GPR63: variants seen among roughly 807,000 people sequenced by gnomAD.
GPR63 encodes probable G protein-coupled receptor 63.
Under a neutral mutation model 23.1 loss-of-function variants are expected in GPR63, and 12 were observed. The ratio of observed to expected loss-of-function variants is 0.52; its 90% CI spans 0.33 to 0.84. GPR63 has a LOEUF of 0.84. GPR63 is among the 40% of genes least tolerant of loss of function. The pLI, the probability that GPR63 is intolerant of heterozygous loss-of-function variation, is 0.02. For missense variants in GPR63, 472 were observed against 515.6 expected, an observed-to-expected ratio of 0.92 and a Z score of 0.82; for synonymous variants, 172 against 191.1, an observed-to-expected ratio of 0.90 and a Z score of 0.82.
rs762389187 is a variant in GPR63 at position 96,798,708 on chromosome 6, G to A, written c.1024C>T (p.His342Tyr). 4 of 1,614,198 alleles carry A rather than the reference G, an allele frequency of 2.5e-6. No individual in the cohort carries two copies. Among genetic ancestry groups the A allele is most frequent in the Non-Finnish European group, 2.5e-6 (3 of 1,180,032 alleles). The change falls in exon 2 of 2, where the codon CAC becomes TAC. Residue 342 changes from histidine to tyrosine, a missense_variant. By Grantham distance (83) the His-to-Tyr change is moderately conservative. Transcript: ENST00000229955. ...AAAAAGTTGTGCTGATAGTAAAAGTGCTTACTGAATGTTGCCACAAGGCTG... is the reference window on the plus strand; with the variant it reads ...AAAAAGTTGTGCTGATAGTAAAAGTACTTACTGAATGTTGCCACAAGGCTG... ...TYSLVATFSK[H>Y]FYYQHNFFEI...
At chr6:96,803,021 C>T (rs753406713) in intron 1 of GPR63, among the ~76,000 whole-genome samples, 4 of 152,150 alleles carry the variant, frequency 2.6e-5, no homozygotes, top group Non-Finnish European at 4.4e-5. Flanking sequence ...TGAACAATCA[C>T]ATGAAAGCAC....
chr6:96,804,653 T>A (rs1412787611), intron 1 of GPR63, among the ~76,000 whole-genome samples: 1 of 152,144 alleles, frequency 6.6e-6, no homozygotes, highest in African/African-American at 2.4e-5. Context: ...CTTAATTATT[T>A]TAAAGGTTTT....
At chr6:96,801,589 G>C (rs561835178) in intron 1 of GPR63, among the ~76,000 whole-genome samples, 368 of 152,258 alleles carry the variant, frequency 2.4e-3, no homozygotes, top group African/African-American at 8.4e-3. Context: ...TAAGACCCAA[G>C]ATCCAGCAAT....
chr6:96,817,831 G>A (rs927449463), intron 1 of GPR63, among the ~76,000 whole-genome samples: 17 of 151,618 alleles, frequency 1.1e-4, no homozygotes, highest in African/African-American at 4.1e-4. Context: ...TTGGGGAAGA[G>A]TAGGAGTTAT....
chr6:96,806,513 A>G (rs551502859), intron 1 of GPR63, among the ~76,000 whole-genome samples: 59 of 152,338 alleles, frequency 3.9e-4, no homozygotes, highest in African/African-American at 1.3e-3. Context: ...CTGAGCCGAA[A>G]GATTTACTGG....
chr6:96,835,036 C>G (rs2127963887), intron 1 of GPR63, among the ~76,000 whole-genome samples: 1 of 152,242 alleles, frequency 6.6e-6, no homozygotes, highest in South Asian at 2.1e-4. Context: ...TAGAATTTGC[C>G]TATTGAAGCT....
intron 1 of GPR63, among the ~76,000 whole-genome samples, chr6:96,830,385 T>C (rs747845184): frequency 1.3e-5 from 2 of 152,196 alleles, no homozygotes; most frequent in Non-Finnish European, 2.9e-5. Context: ...CTGTTTAACC[T>C]ATCCATGCCT....
chr6:96,813,713 G>A (rs1056560592), intron 1 of GPR63, among the ~76,000 whole-genome samples: 1 of 152,148 alleles, frequency 6.6e-6, no homozygotes, highest in Non-Finnish European at 1.5e-5. Flanking sequence ...ATTATCTAAC[G>A]CTGAGAATGG....
At chr6:96,827,721 A>AT (rs1774479369) in intron 1 of GPR63, among the ~76,000 whole-genome samples, 1 of 152,152 alleles carries the variant, frequency 6.6e-6, no homozygotes, top group Non-Finnish European at 1.5e-5. Context: ...GATAATAATA[A>AT]AATTCAGAAG....
intron 1 of GPR63, among the ~76,000 whole-genome samples, chr6:96,835,605 A>G (rs1298570471): frequency 6.6e-6 from 1 of 152,174 alleles, no homozygotes; most frequent in Non-Finnish European, 1.5e-5. Flanking sequence ...CAGTAACTAC[A>G]TAGGGGTTTT....
chr6:96,831,347 A>G (rs1774575096), intron 1 of GPR63, among the ~76,000 whole-genome samples: 1 of 151,118 alleles, frequency 6.6e-6, no homozygotes, highest in Non-Finnish European at 1.5e-5. Flanking sequence ...TCTCTATAAA[A>G]TGGGGTTATT....
Position 96,813,083 on chromosome 6 carries a change from A to G in GPR63, c.-150-13202T>C, listed in dbSNP as rs1378320307. On this transcript the variant is annotated intron_variant, in intron 1 of 1. Coordinates refer to ENST00000229955, the MANE Select transcript of GPR63 (RefSeq NM_030784.4). ...CATAGCTTCTTTAGCTCCCACATGA[A>G]TAAGACATGTGGTACTTGTCTTTCT... 4.6e-5 allele frequency among the ~76,000 whole-genome samples: 7 copies of G among 152,140 alleles called. 1 individual carries two copies. The highest frequency in any genetic ancestry group is 3.3e-4 in the Admixed American group (5 of 15,280).
chr6:96,812,466 G>A (rs1252345989), intron 1 of GPR63, among the ~76,000 whole-genome samples: 1 of 152,098 alleles, frequency 6.6e-6, no homozygotes. Flanking sequence ...GAAGGGCTCT[G>A]GTTCAGAGAA....
In GPR63 at chr6:96,799,717, TGCC is replaced by T. The variant is rs1372648857; in HGVS notation, c.12_14del (p.Ala5del). The T allele has an allele frequency of 6.2e-7, 1 of 1,614,198 alleles. No homozygotes were observed. The highest frequency in any genetic ancestry group is 1.7e-5 in the Admixed American group (1 of 60,030). On this transcript the variant is annotated inframe_deletion, in exon 2 of 2. Coordinates refer to ENST00000229955, the MANE Select transcript of GPR63 (RefSeq NM_030784.4). ...TCCCGGTATGGAACGCAGTCAACAC[TGCC>T]GAGAAGACCATGGTTTCAGTAGGAT...
chr6:96,820,666 A>G (rs1291554948), intron 1 of GPR63, among the ~76,000 whole-genome samples: 1 of 152,040 alleles, frequency 6.6e-6, no homozygotes, highest in Non-Finnish European at 1.5e-5. Flanking sequence ...CTATTCCACG[A>G]GAATTTTTTT....
intron 1 of GPR63, among the ~76,000 whole-genome samples, chr6:96,819,993 C>A (rs370575377): frequency 0.017 from 1,931 of 116,166 alleles, 21 homozygotes; most frequent in Middle Eastern, 0.027. Flanking sequence ...AAAAAAAAAA[C>A]AAACAACAAC....
intron 1 of GPR63, among the ~76,000 whole-genome samples, chr6:96,808,896 G>A (rs894075474): frequency 6.6e-6 from 1 of 151,668 alleles, no homozygotes; most frequent in African/African-American, 2.4e-5. Flanking sequence ...TTTAGCATTA[G>A]GTATATCTCC....
chr6:96,805,351 C>T (rs1457739148), intron 1 of GPR63, among the ~76,000 whole-genome samples: 1 of 152,134 alleles, frequency 6.6e-6, no homozygotes. Flanking sequence ...CAAAAACTCA[C>T]TCACTACGGG....
intron 1 of GPR63, among the ~76,000 whole-genome samples, chr6:96,816,050 ATT>A: frequency 6.6e-6 from 1 of 152,204 alleles, no homozygotes; most frequent in Non-Finnish European, 1.5e-5. Flanking sequence ...AAAACTAATT[ATT>A]CTGGTCTATT....
Sources: allele counts gnomAD v4.1 joint callset (sites outside exome capture counted in the v4.1 genomes callset), GRCh38; gene constraint gnomAD v4.1.1; transcripts MANE v1.5; gene names NCBI Gene and HGNC (gene_info 2026-07-23, HGNC 2026-07-21).